Variants in ADGRB3 observed in about 807,000 individuals in gnomAD.
The protein encoded by ADGRB3 is adhesion G protein-coupled receptor B3.
Under a neutral mutation model 193.4 loss-of-function variants are expected in ADGRB3, and 37 were observed. The ratio of observed to expected loss-of-function variants is 0.19; its 90% CI spans 0.15 to 0.25. ADGRB3 has a LOEUF of 0.25. Among genes scored for constraint, ADGRB3 ranks in the 10% least tolerant of loss-of-function variants. The pLI, the probability that ADGRB3 is intolerant of heterozygous loss-of-function variation, is 1.00. For missense variants in ADGRB3, 1,637 were observed against 1,852.9 expected (o/e 0.88, Z 2.14); for synonymous variants, 690 against 644.2 (o/e 1.07, Z -1.08).
At chr6:69,032,200 A>C (rs1009603497) in intron 13 of ADGRB3, among the ~76,000 whole-genome samples, 2 of 152,200 alleles carry the variant, frequency 1.3e-5, no homozygotes, top group Non-Finnish European at 2.9e-5. Flanking sequence ...GGTCTTCCCC[A>C]GTTGACTTCA....
At chr6:68,693,944 T>C (rs1765117943) in intron 3 of ADGRB3, among the ~76,000 whole-genome samples, 1 of 152,048 alleles carries the variant, frequency 6.6e-6, no homozygotes, top group South Asian at 2.1e-4. Flanking sequence ...TTTTGGAGTT[T>C]CATAAAACTA....
rs374757790 is a variant in ADGRB3, at chr6:69,251,387, A to G, written c.2814+12161A>G. Among the ~76,000 whole-genome samples the G allele has an allele frequency of 6.6e-5, 10 of 152,166 alleles. No individual in the cohort carries two copies. In the East Asian group the frequency reaches 1.7e-3, roughly 26 times the overall value. ...AACCCATTTTTTTTTTACAGCCATT[A>G]CTTTACTTTGTAATCTTATTTTAAT... On this transcript the variant is annotated intron_variant, in intron 20 of 31. Coordinates refer to ENST00000370598, the MANE Select transcript of ADGRB3 (RefSeq NM_001704.3).
chr6:69,112,476 A>T (rs998288941), intron 17 of ADGRB3, among the ~76,000 whole-genome samples: 11 of 152,130 alleles, frequency 7.2e-5, no homozygotes, highest in African/African-American at 2.7e-4. Context: ...CATATTATAG[A>T]GATGAGAGCA....
intron 3 of ADGRB3, among the ~76,000 whole-genome samples, chr6:68,748,844 A>G (rs2127346025): frequency 6.6e-6 from 1 of 152,302 alleles, no homozygotes; most frequent in East Asian, 1.9e-4. Context: ...CTGGGCATCC[A>G]GGCGTTTCCA....
chr6:69,283,555 C>T (rs1025282606), intron 20 of ADGRB3, among the ~76,000 whole-genome samples: 1 of 151,926 alleles, frequency 6.6e-6, no homozygotes, highest in Non-Finnish European at 1.5e-5. Context: ...CAAATTGTGA[C>T]AGCGTGAACT....
At chr6:68,682,320 C>T (rs531037527) in intron 3 of ADGRB3, among the ~76,000 whole-genome samples, 1 of 152,170 alleles carries the variant, frequency 6.6e-6, no homozygotes, top group East Asian at 1.9e-4. Context: ...ATAGAGAATA[C>T]CCTATTTGAA....
intron 13 of ADGRB3, among the ~76,000 whole-genome samples, chr6:69,028,613 C>T (rs2150291792): frequency 6.6e-6 from 1 of 152,192 alleles, no homozygotes; most frequent in South Asian, 2.1e-4. Flanking sequence ...TTTATCTTAT[C>T]TGTTTTATAC....
intron 29 of ADGRB3, among the ~76,000 whole-genome samples, chr6:69,371,211 T>G (rs1769699779): frequency 6.6e-6 from 1 of 152,108 alleles, no homozygotes; most frequent in Admixed American, 6.6e-5. Context: ...TCCCCTTCTG[T>G]CTACTGAAAC....
intron 3 of ADGRB3, among the ~76,000 whole-genome samples, chr6:68,833,358 T>G (rs1018440675): frequency 3.3e-5 from 5 of 151,708 alleles, no homozygotes; most frequent in Non-Finnish European, 7.4e-5. Context: ...TTACAAATAT[T>G]ATAGTTCTTT....
chr6:68,649,374 A>G (rs909750340), intron 3 of ADGRB3, among the ~76,000 whole-genome samples: 4 of 152,160 alleles, frequency 2.6e-5, no homozygotes, highest in Non-Finnish European at 5.9e-5. Flanking sequence ...AGTCTAATTG[A>G]CTGTCTAAAT....
intron 16 of ADGRB3, among the ~76,000 whole-genome samples, chr6:69,075,404 A>G (rs1772199291): frequency 6.6e-6 from 1 of 152,220 alleles, no homozygotes; most frequent in South Asian, 2.1e-4. Context: ...TACTCAATTC[A>G]TAATTATTGA....
intron 20 of ADGRB3, among the ~76,000 whole-genome samples, chr6:69,256,179 G>A (rs879499717): frequency 4.0e-4 from 60 of 150,810 alleles, no homozygotes; most frequent in Non-Finnish European, 8.3e-4. Flanking sequence ...TTGACTTGGC[G>A]ATGCGGGCTC....
chr6:68,897,614 G>T (rs1396048292), intron 3 of ADGRB3, among the ~76,000 whole-genome samples: 2 of 125,882 alleles, frequency 1.6e-5, no homozygotes, highest in African/African-American at 6.1e-5. Context: ...GGAAGAGGAA[G>T]GAAGGGAGGG....
intron 3 of ADGRB3, among the ~76,000 whole-genome samples, chr6:68,676,636 T>C (rs924387239): frequency 1.3e-5 from 2 of 152,296 alleles, no homozygotes; most frequent in East Asian, 3.9e-4. Flanking sequence ...TTCCTAATAT[T>C]TCTATGGTCT....
chr6:69,004,266 A>G (rs1267414304), intron 11 of ADGRB3, among the ~76,000 whole-genome samples: 6 of 152,308 alleles, frequency 3.9e-5, no homozygotes, highest in African/African-American at 1.4e-4. Flanking sequence ...GATCGAGGTC[A>G]CGACAGGTTT....
intron 17 of ADGRB3, among the ~76,000 whole-genome samples, chr6:69,150,044 G>A (rs556414256): frequency 4.0e-4 from 61 of 151,806 alleles, no homozygotes; most frequent in Admixed American, 8.5e-4. Context: ...GGACTTCTCT[G>A]GGTCAGACCT....
At chr6:68,649,983 A>T (rs999244946) in intron 3 of ADGRB3, among the ~76,000 whole-genome samples, 1 of 152,108 alleles carries the variant, frequency 6.6e-6, no homozygotes, top group Non-Finnish European at 1.5e-5. Context: ...TTCCTTGCTT[A>T]CTCAAAGCAC....
intron 17 of ADGRB3, among the ~76,000 whole-genome samples, chr6:69,188,991 TAAGA>T (rs1765128136): frequency 6.6e-6 from 1 of 152,210 alleles, no homozygotes; most frequent in Admixed American, 6.5e-5. Flanking sequence ...TTTTACAGTG[TAAGA>T]AAGATTTTTA....
intron 3 of ADGRB3, among the ~76,000 whole-genome samples, chr6:68,752,492 C>T (rs1033234703): frequency 2.0e-5 from 3 of 151,986 alleles, no homozygotes; most frequent in Non-Finnish European, 2.9e-5. Flanking sequence ...AGACTGGTCT[C>T]GATCTCCTGA....
Sources: allele counts gnomAD v4.1 joint callset (sites outside exome capture counted in the v4.1 genomes callset), GRCh38; gene constraint gnomAD v4.1.1; transcripts MANE v1.5; gene names NCBI Gene and HGNC (gene_info 2026-07-23, HGNC 2026-07-21).